The following C11orf65 variants were observed in gnomAD, a reference collection of about 807,000 sequenced individuals.
C11orf65 encodes chromosome 11 open reading frame 65.
C11orf65 carries 38 observed loss-of-function variants against 35.3 expected under a neutral mutation model. The ratio of observed to expected loss-of-function variants is 1.08; its 90% CI spans 0.83 to 1.41. C11orf65 has a LOEUF of 1.41. Among genes scored for constraint, C11orf65 ranks in the 40% most tolerant of loss-of-function variants. The pLI is 0.00. For synonymous variants in C11orf65, 105 were observed against 114.4 expected (o/e 0.92, Z 0.53); for missense variants, 370 against 367.1 (o/e 1.01, Z -0.06).
At chr11:108,420,904 C>A (rs150110632) in intron 3 of C11orf65, among the ~76,000 whole-genome samples, 7 of 152,074 alleles carry the variant, frequency 4.6e-5, no homozygotes, top group African/African-American at 1.7e-4. Flanking sequence ...TGTGAGCTAC[C>A]GCACCCGGCC....
chr11:108,324,690 T>C (rs1295247131), intron 6 of C11orf65, among the ~76,000 whole-genome samples: 1 of 152,216 alleles, frequency 6.6e-6, no homozygotes, highest in African/African-American at 2.4e-5. Flanking sequence ...CTCTTTCTTA[T>C]TTCTTTCAAT....
At chr11:108,400,389 C>T (rs979552416) in intron 6 of C11orf65, among the ~76,000 whole-genome samples, 1 of 152,166 alleles carries the variant, frequency 6.6e-6, no homozygotes, top group Non-Finnish European at 1.5e-5. Flanking sequence ...ATTTTCTGCT[C>T]ACCACATCCA....
chr11:108,382,501 G>T (rs1287318070), downstream of C11orf65, among the ~76,000 whole-genome samples: 2 of 152,100 alleles, frequency 1.3e-5, no homozygotes, highest in African/African-American at 4.8e-5. Flanking sequence ...CATAAAATAG[G>T]CAGTAACTAA....
intron 2 of C11orf65, among the ~76,000 whole-genome samples, chr11:108,447,437 T>C (rs1457010269): frequency 6.6e-6 from 1 of 152,116 alleles, no homozygotes; most frequent in Non-Finnish European, 1.5e-5. Context: ...AAACTGTCTC[T>C]CAGACCACAG....
In C11orf65 at chr11:108,314,005, AT is replaced by A. The variant is rs1365204474; in HGVS notation, c.641-4935del. ...ACTTTATCCATATCAAATTTTACCA[AT>A]TCCAATACAGTTTTGTGCTATTTTT... On this transcript the variant is annotated intron_variant, in intron 6 of 6. Transcript: ENST00000525729. 2.0e-5 allele frequency among the ~76,000 whole-genome samples: 3 copies of A among 152,310 alleles called. No individual in the cohort carries two copies. In the South Asian group the frequency reaches 6.2e-4, roughly 32 times the overall value.
Position 108,312,465 on chromosome 11 carries a change from A to C in C11orf65, c.641-3394T>G, listed in dbSNP as rs587782274. On this transcript the variant is annotated intron_variant, in intron 6 of 6. Coordinates refer to the C11orf65 transcript ENST00000525729. ...GTACAACTATTTCTAGCTTGAGTGA[A>C]AAAAGTAAAGAAGAAACTGGAATAA... 3 of 1,593,914 alleles carry C rather than the reference A, an allele frequency of 1.9e-6. No individual in the cohort carries two copies. Among genetic ancestry groups the C allele is most frequent in the Non-Finnish European group, 2.6e-6 (3 of 1,161,926 alleles).
intron 6 of C11orf65, among the ~76,000 whole-genome samples, chr11:108,397,266 C>G (rs1045099582): frequency 5.4e-5 from 8 of 149,300 alleles, no homozygotes; most frequent in Non-Finnish European, 1.2e-4. Flanking sequence ...TTGCAGTGAG[C>G]TGACATGGTG....
chr11:108,369,888 TGTTA>T (rs2091505076), intron 2 of C11orf65, among the ~76,000 whole-genome samples: 1 of 152,162 alleles, frequency 6.6e-6, no homozygotes, highest in Non-Finnish European at 1.5e-5. Flanking sequence ...AGTATACACT[TGTTA>T]GTCAGTATGA....
chr11:108,360,589 T>A (rs961166686), intron 2 of C11orf65, among the ~76,000 whole-genome samples: 10 of 148,180 alleles, frequency 6.7e-5, no homozygotes, highest in Non-Finnish European at 1.5e-4. Context: ...ATCCAAAAGC[T>A]TATCCACCAT....
chr11:108,359,528 T>C (rs905160728), intron 2 of C11orf65, among the ~76,000 whole-genome samples: 7 of 151,968 alleles, frequency 4.6e-5, no homozygotes, highest in South Asian at 2.1e-4. Context: ...TATTCCAAAA[T>C]TGACCCCATA....
chr11:108,312,753 C>T (rs2136069869), intron 6 of C11orf65, among the ~76,000 whole-genome samples: 1 of 152,308 alleles, frequency 6.6e-6, no homozygotes, highest in East Asian at 1.9e-4. Context: ...GAGTTTATGC[C>T]ATGCATTTTC....
intron 3 of C11orf65, among the ~76,000 whole-genome samples, chr11:108,411,621 T>C (rs1291119623): frequency 6.6e-6 from 1 of 152,190 alleles, no homozygotes; most frequent in East Asian, 1.9e-4. Flanking sequence ...ACTATATTTC[T>C]TCTGGTAATT....
At chr11:108,393,869 CTTAT>C (rs892632353) in intron 6 of C11orf65, among the ~76,000 whole-genome samples, 38 of 152,122 alleles carry the variant, frequency 2.5e-4, no homozygotes, top group African/African-American at 9.2e-4. Flanking sequence ...TTCATACAGT[CTTAT>C]TTAATTCTTT....
At chr11:108,382,525 C>T (rs227077), downstream of C11orf65, among the ~76,000 whole-genome samples, 81,637 of 151,492 alleles carry the variant, frequency 0.54, 22,532 homozygotes, top group Middle Eastern at 0.74. Flanking sequence ...TGAGAGAAAC[C>T]GAGAATTGCA....
chr11:108,325,456 A>G lies in C11orf65; in HGVS notation c.641-16385T>C, dbSNP rs2136314215. ...GAGATCCTGATGGAAAAGGAAATGG[A>G]CAACTCACAAAGAGAATGTATTAAG... On this transcript the variant is annotated intron_variant, in intron 6 of 6. Coordinates refer to the C11orf65 transcript ENST00000525729. 1 of 1,613,796 alleles carries G rather than the reference A, an allele frequency of 6.2e-7. No individual in the cohort carries two copies. Among genetic ancestry groups the G allele is most frequent in the Non-Finnish European group, 8.5e-7 (1 of 1,179,904 alleles).
intron 2 of C11orf65, among the ~76,000 whole-genome samples, chr11:108,448,296 T>C (rs1282485123): frequency 6.6e-6 from 1 of 152,098 alleles, no homozygotes; most frequent in Non-Finnish European, 1.5e-5. Flanking sequence ...AGGCCAGCAT[T>C]ATCCTGATAC....
chr11:108,364,932 C>T (rs2091174789), intron 2 of C11orf65: 3 of 840,408 alleles, frequency 3.6e-6, no homozygotes, highest in East Asian at 2.7e-5. Context: ...ATAGTTTCCT[C>T]AAGGAAACAT....
intron 2 of C11orf65, among the ~76,000 whole-genome samples, chr11:108,348,934 T>G (rs950441376): frequency 6.6e-6 from 1 of 152,098 alleles, no homozygotes; most frequent in Admixed American, 6.5e-5. Flanking sequence ...TCATCACTAT[T>G]ATCCCCCTGC....
intron 2 of C11orf65, among the ~76,000 whole-genome samples, chr11:108,370,391 A>T (rs556774678): frequency 1.3e-5 from 2 of 151,614 alleles, no homozygotes; most frequent in Non-Finnish European, 2.9e-5. Flanking sequence ...TGGATTTTCT[A>T]TGTATATAAT....
Sources: gnomAD v4.1 joint callset for allele counts (sites outside exome capture counted in the v4.1 genomes callset) on GRCh38, gnomAD v4.1.1 for gene constraint, MANE v1.5 for transcripts, NCBI Gene and HGNC (gene_info 2026-07-23, HGNC 2026-07-21) for gene names.